The following NEK10 variants were observed in gnomAD, a reference collection of about 807,000 sequenced individuals.
NEK10 encodes serine/threonine-protein kinase Nek10.
Under a neutral mutation model 159.8 loss-of-function variants are expected in NEK10, and 122 were observed. That is an observed-to-expected ratio of 0.76 (90% CI 0.66 to 0.89). NEK10 has a LOEUF of 0.89. Among genes scored for constraint, NEK10 ranks in the 40% least tolerant of loss-of-function variants. NEK10 has a pLI of 0.00. For synonymous variants in NEK10, 466 were observed against 457.1 expected, an observed-to-expected ratio of 1.02 and a Z score of -0.25; for missense variants, 1,342 against 1,323.1, an observed-to-expected ratio of 1.01 and a Z score of -0.22.
intron 23 of NEK10, among the ~76,000 whole-genome samples, chr3:27,218,975 C>A (rs1353002271): frequency 6.6e-6 from 1 of 152,214 alleles, no homozygotes; most frequent in African/African-American, 2.4e-5. Context: ...ATACAACCAC[C>A]TATGTTCTCC....
chr3:27,368,574 A>G (rs150888187), intron 1 of NEK10, among the ~76,000 whole-genome samples: 1 of 152,286 alleles, frequency 6.6e-6, no homozygotes, highest in Non-Finnish European at 1.5e-5. Flanking sequence ...TGTCGTCTAG[A>G]GTGTAGTTTT....
chr3:27,224,637 G>T (rs1318300313), intron 23 of NEK10, among the ~76,000 whole-genome samples: 1 of 152,118 alleles, frequency 6.6e-6, no homozygotes, highest in Non-Finnish European at 1.5e-5. Context: ...CATTGTATTT[G>T]CTGTCCTTCC....
At position 27,109,852 on chromosome 3, in the gene NEK10, G is replaced by C. The variant is rs1388951957; in HGVS notation, c.*1420C>G. ...CTTACATTACAGTGTATCTGTAATT[G>C]TTAATTTGGCTTAAAGAAAGATCCA... On this transcript the variant is annotated 3_prime_UTR_variant, in exon 36 of 36. Coordinates refer to ENST00000691995, the MANE Select transcript of NEK10 (RefSeq NM_001394966.1). Among the ~76,000 whole-genome samples, 1 of 152,108 alleles carries C rather than the reference G, an allele frequency of 6.6e-6. No individual in the cohort carries two copies. Among genetic ancestry groups the C allele is most frequent in the African/African-American group, 2.4e-5 (1 of 41,404 alleles).
intron 26 of NEK10, among the ~76,000 whole-genome samples, chr3:27,191,298 A>AC (rs1226553561): frequency 1.4e-5 from 2 of 138,834 alleles, no homozygotes; most frequent in Non-Finnish European, 3.1e-5. Context: ...CCAGAACAGG[A>AC]AAAAAAAAAA....
intron 13 of NEK10, among the ~76,000 whole-genome samples, chr3:27,299,811 T>A: frequency 6.6e-6 from 1 of 152,228 alleles, no homozygotes; most frequent in East Asian, 1.9e-4. Context: ...ATTCTGGACT[T>A]GCTTGGGGCC....
rs141807933 is a variant in NEK10 at position 27,358,451 on chromosome 3, C to T, written c.-37-5532G>A. 1.1e-4 allele frequency among the ~76,000 whole-genome samples: 16 copies of T among 152,224 alleles called. No individual in the cohort carries two copies. In the East Asian group the frequency reaches 3.1e-3, roughly 29 times the overall value. On this transcript the variant is annotated intron_variant, in intron 1 of 35. Coordinates refer to ENST00000691995, the MANE Select transcript of NEK10 (RefSeq NM_001394966.1). ...TTTTAAATCCATTTTTTAAAAGAAA[C>T]TCTCAGAAGTAATTTCTATCCTCTA...
intron 31 of NEK10, among the ~76,000 whole-genome samples, chr3:27,132,965 C>T (rs899682885): frequency 6.6e-6 from 1 of 152,152 alleles, no homozygotes; most frequent in Middle Eastern, 3.4e-3. Flanking sequence ...TAATTATTAC[C>T]CCAACCCTGC....
At chr3:27,252,444 A>C (rs1955766164) in intron 23 of NEK10, among the ~76,000 whole-genome samples, 1 of 152,246 alleles carries the variant, frequency 6.6e-6, no homozygotes, top group Non-Finnish European at 1.5e-5. Flanking sequence ...AATTTGTTAC[A>C]ACAAAAAGAA....
chr3:27,125,749 C>T (rs533564490), intron 32 of NEK10, among the ~76,000 whole-genome samples: 106 of 152,272 alleles, frequency 7.0e-4, no homozygotes, highest in Non-Finnish European at 1.3e-3. Context: ...GGATGTACAC[C>T]TCACACTCAT....
At chr3:27,367,989 T>A (rs2049220985) in intron 1 of NEK10, among the ~76,000 whole-genome samples, 2 of 152,042 alleles carry the variant, frequency 1.3e-5, no homozygotes, top group Non-Finnish European at 2.9e-5. Flanking sequence ...TGCCCTTATG[T>A]GCGTTTTAAA....
chr3:27,235,542 A>G (rs1428617408), intron 23 of NEK10, among the ~76,000 whole-genome samples: 1 of 152,236 alleles, frequency 6.6e-6, no homozygotes, highest in Non-Finnish European at 1.5e-5. Flanking sequence ...AGAGAAATGC[A>G]AATCAAAACC....
At position 27,260,243 on chromosome 3, in the gene NEK10, A is replaced by C. The variant is rs573813153; in HGVS notation, c.2015-3872T>G. On this transcript the variant is annotated intron_variant, in intron 22 of 35. Transcript: ENST00000691995. ...TCCTGCCTGATTGCCCTGGCCAGAAATTCCAACACTATGTTGAATAGGAGT... is the reference window on the plus strand; with the variant it reads ...TCCTGCCTGATTGCCCTGGCCAGAACTTCCAACACTATGTTGAATAGGAGT... 8.2e-4 allele frequency among the ~76,000 whole-genome samples: 125 copies of C among 152,170 alleles called. 1 individual carries two copies. Among genetic ancestry groups the C allele is most frequent in the South Asian group, 1.9e-3 (9 of 4,822 alleles).
chr3:27,149,624 G>A (rs1944637549), intron 30 of NEK10, among the ~76,000 whole-genome samples: 1 of 152,128 alleles, frequency 6.6e-6, no homozygotes. Flanking sequence ...TGGATGTTGT[G>A]TGTACTCTGA....
chr3:27,333,812 G>A (rs549570381), intron 5 of NEK10, among the ~76,000 whole-genome samples: 1 of 152,300 alleles, frequency 6.6e-6, no homozygotes, highest in East Asian at 1.9e-4. Flanking sequence ...AGGTGCAAGA[G>A]AAGAGCTGGC....
intron 30 of NEK10, among the ~76,000 whole-genome samples, chr3:27,142,999 A>T (rs1943932956): frequency 6.6e-6 from 1 of 152,216 alleles, no homozygotes; most frequent in Non-Finnish European, 1.5e-5. Context: ...TATTAATATG[A>T]GGTTTAATAA....
chr3:27,117,020 C>T (rs1312490551), intron 33 of NEK10, among the ~76,000 whole-genome samples: 1 of 152,112 alleles, frequency 6.6e-6, no homozygotes, highest in Non-Finnish European at 1.5e-5. Flanking sequence ...TTGTTCCCCT[C>T]TCTGTGTCCA....
intron 15 of NEK10, among the ~76,000 whole-genome samples, chr3:27,294,533 T>C (rs2043211695): frequency 6.6e-6 from 1 of 152,226 alleles, no homozygotes; most frequent in African/African-American, 2.4e-5. Context: ...GAAATGTCTC[T>C]GCAGGATGGG....
intron 22 of NEK10, among the ~76,000 whole-genome samples, chr3:27,272,930 C>G (rs1040748420): frequency 6.6e-6 from 1 of 152,186 alleles, no homozygotes; most frequent in African/African-American, 2.4e-5. Flanking sequence ...AATCTCTGCC[C>G]CCCAACTGCT....
chr3:27,174,427 C>G lies in NEK10; in HGVS notation c.2776+12G>C. 1 of 1,607,444 alleles carries G rather than the reference C, an allele frequency of 6.2e-7. No individual in the cohort carries two copies. On this transcript the variant is annotated intron_variant, in intron 28 of 35. Coordinates refer to ENST00000691995, the MANE Select transcript of NEK10 (RefSeq NM_001394966.1). ...AATCCCACAAACAGCAAATTGATAACAGAAAGCTTACTGAATGTAGATTCT... is the reference window on the plus strand; with the variant it reads ...AATCCCACAAACAGCAAATTGATAAGAGAAAGCTTACTGAATGTAGATTCT...
Sources: allele counts gnomAD v4.1 joint callset (sites outside exome capture counted in the v4.1 genomes callset), GRCh38; gene constraint gnomAD v4.1.1; transcripts MANE v1.5; gene names NCBI Gene and HGNC (gene_info 2026-07-23, HGNC 2026-07-21).